WDFY4: variants seen among roughly 807,000 people sequenced by gnomAD.
WDFY4 encodes WD repeat- and FYVE domain-containing protein 4.
Under a neutral mutation model 351.9 loss-of-function variants are expected in WDFY4, and 169 were observed. The ratio of observed to expected loss-of-function variants is 0.48; its 90% CI spans 0.42 to 0.55. The LOEUF (loss-of-function observed/expected upper bound fraction) is 0.55, where lower values mean the gene tolerates loss of function less well. Ranked by LOEUF, WDFY4 falls within the 20% of genes least tolerant of loss-of-function variation. WDFY4 has a pLI of 0.00. For missense variants in WDFY4, 3,803 were observed against 3,935.6 expected, an observed-to-expected ratio of 0.97 and a Z score of 0.90; for synonymous variants, 1,622 against 1,574.6, an observed-to-expected ratio of 1.03 and a Z score of -0.71.
intron 51 of WDFY4, among the ~76,000 whole-genome samples, chr10:48,950,051 T>G (rs1841246419): frequency 1.3e-5 from 2 of 152,142 alleles, no homozygotes; most frequent in Admixed American, 1.3e-4. Context: ...ATATGCATAA[T>G]AAGAAATTTA....
intron 51 of WDFY4, among the ~76,000 whole-genome samples, chr10:48,954,022 T>A (rs1408198885): frequency 6.6e-6 from 1 of 152,234 alleles, no homozygotes; most frequent in East Asian, 1.9e-4. Flanking sequence ...TTAACTTGGA[T>A]CAATGTGCAG....
chr10:48,697,261 G>T lies in WDFY4; in HGVS notation c.-18+12260G>T, dbSNP rs899052387. Among the ~76,000 whole-genome samples, 5 of 152,210 alleles carry T rather than the reference G, an allele frequency of 3.3e-5. No individual in the cohort carries two copies. In the South Asian group the frequency reaches 1.0e-3, roughly 32 times the overall value. On this transcript the variant is annotated intron_variant, in intron 1 of 61. Coordinates refer to ENST00000325239, the MANE Select transcript of WDFY4 (RefSeq NM_001394531.1). ...ATGAAGCAGTAGAGACCTAGCAGGG[G>T]CTCCCAGCTCCCTTCCCGACCTGCT...
chr10:48,905,495 A>G (rs1472955718), intron 47 of WDFY4, among the ~76,000 whole-genome samples: 1 of 152,068 alleles, frequency 6.6e-6, no homozygotes, highest in African/African-American at 2.4e-5. Flanking sequence ...TTCCAATGTG[A>G]TTATTTTTGC....
intron 43 of WDFY4, among the ~76,000 whole-genome samples, chr10:48,883,411 A>G (rs944051255): frequency 8.4e-5 from 12 of 142,820 alleles, no homozygotes. Flanking sequence ...TGTGTGTGTT[A>G]CTCTCTACAT....
intron 30 of WDFY4, among the ~76,000 whole-genome samples, chr10:48,812,750 C>G (rs532562992): frequency 1.5e-4 from 23 of 152,288 alleles, no homozygotes; most frequent in African/African-American, 5.3e-4. Flanking sequence ...GGTCAGACTC[C>G]ATAGCTGGCA....
At chr10:48,915,447 C>T (rs1278296064) in intron 47 of WDFY4, among the ~76,000 whole-genome samples, 1 of 151,816 alleles carries the variant, frequency 6.6e-6, no homozygotes, top group African/African-American at 2.4e-5. Context: ...ATTTCCAAAC[C>T]AGGCAGAAGT....
chr10:48,685,478 G>C (rs1294794890), intron 1 of WDFY4, among the ~76,000 whole-genome samples: 2 of 152,172 alleles, frequency 1.3e-5, no homozygotes, highest in African/African-American at 2.4e-5. Flanking sequence ...CATTTCCAAC[G>C]GGCCTCAGAG....
chr10:48,785,413 C>G (rs2066373494), intron 19 of WDFY4, among the ~76,000 whole-genome samples: 1 of 152,040 alleles, frequency 6.6e-6, no homozygotes, highest in African/African-American at 2.4e-5. Context: ...GAATATTTTG[C>G]CTAGTCCTAG....
chr10:48,859,214 T>A (rs1488537548), intron 39 of WDFY4, among the ~76,000 whole-genome samples: 1 of 152,224 alleles, frequency 6.6e-6, no homozygotes, highest in Non-Finnish European at 1.5e-5. Flanking sequence ...GCTTTTACTT[T>A]TTTTCTTGCC....
chr10:48,848,630 C>A (rs1030662046), intron 39 of WDFY4, among the ~76,000 whole-genome samples: 16 of 152,138 alleles, frequency 1.1e-4, no homozygotes, highest in African/African-American at 3.4e-4. Context: ...CTGTGAGGTT[C>A]TTTTCAGTCC....
intron 29 of WDFY4, 102 bp downstream of exon 29, chr10:48,810,837 G>C: frequency 8.1e-7 from 1 of 1,238,068 alleles, no homozygotes; most frequent in Non-Finnish European, 1.1e-6. Context: ...TCACAGCTCT[G>C]TGCAGCAGGA....
intron 53 of WDFY4, among the ~76,000 whole-genome samples, chr10:48,962,393 C>T (rs1429238013): frequency 6.6e-6 from 1 of 152,116 alleles, no homozygotes; most frequent in Non-Finnish European, 1.5e-5. Flanking sequence ...CCCAGAGGAC[C>T]AACAAGGGGA....
chr10:48,821,198 C>A, intron 34 of WDFY4, 22 bp downstream of exon 34: 1 of 1,525,732 alleles, frequency 6.6e-7, no homozygotes, highest in Non-Finnish European at 8.9e-7. Context: ...AACTCGGTCC[C>A]CTCCATTCAT....
intron 17 of WDFY4, among the ~76,000 whole-genome samples, chr10:48,778,181 G>A (rs919989780): frequency 1.3e-5 from 2 of 152,208 alleles, no homozygotes; most frequent in African/African-American, 2.4e-5. Flanking sequence ...CCTTCATGAC[G>A]TTTTTCCATG....
In WDFY4 at chr10:48,827,000, T is replaced by G. The variant is rs73310070; in HGVS notation, c.6221+91T>G. The G allele has an allele frequency of 0.015, 15,226 of 1,019,184 alleles. 1,558 individuals carry two copies. In the African/African-American group the frequency reaches 0.22, roughly 14 times the overall value. 63.1% of individuals were successfully genotyped at this position (1,019,184 alleles called of 1,614,324 possible). A position where few individuals can be genotyped will look rare whatever the true frequency, so the allele number is the denominator to read the frequency against. On this transcript the variant is annotated intron_variant, in intron 36 of 61. Coordinates refer to ENST00000325239, the MANE Select transcript of WDFY4 (RefSeq NM_001394531.1). ...AAGCTTGATTGAGGACTGAGTTCTG[T>G]ATAAATGATATCATCCTTTTGTTTA... is the stretch of plus-strand genomic sequence containing the variant.
At chr10:48,828,054 C>A (rs1476312924) in intron 36 of WDFY4, among the ~76,000 whole-genome samples, 1 of 152,164 alleles carries the variant, frequency 6.6e-6, no homozygotes, top group African/African-American at 2.4e-5. Context: ...CAAACATGGG[C>A]ATTCTCATAT....
chr10:48,940,312 G>A (rs1018878860), intron 47 of WDFY4, among the ~76,000 whole-genome samples: 1 of 152,230 alleles, frequency 6.6e-6, no homozygotes, highest in African/African-American at 2.4e-5. Context: ...ATTGTTGGGT[G>A]TTGCTTGCTT....
At chr10:48,827,666 T>G (rs909312314) in intron 36 of WDFY4, among the ~76,000 whole-genome samples, 2 of 151,270 alleles carry the variant, frequency 1.3e-5, no homozygotes, top group African/African-American at 2.4e-5. Context: ...GCTGTTGTCC[T>G]TTTTCTTCAT....
intron 43 of WDFY4, among the ~76,000 whole-genome samples, chr10:48,885,290 C>T (rs2070409043): frequency 6.6e-6 from 1 of 152,130 alleles, no homozygotes; most frequent in Admixed American, 6.5e-5. Flanking sequence ...CAAATAAATG[C>T]CCCAAATCCA....
Sources: allele counts gnomAD v4.1 joint callset (sites outside exome capture counted in the v4.1 genomes callset), GRCh38; gene constraint gnomAD v4.1.1; transcripts MANE v1.5; gene names NCBI Gene and HGNC (gene_info 2026-07-23, HGNC 2026-07-21).